The following MDFIC2 variants were observed in gnomAD, a reference collection of about 807,000 sequenced individuals.
The protein encoded by MDFIC2 is MyoD family inhibitor domain containing 2.
At chr3:70,241,465 A>G (rs35908063) in intron 2 of MDFIC2, among the ~76,000 whole-genome samples, 1 of 152,000 alleles carries the variant, frequency 6.6e-6, no homozygotes, top group African/African-American at 2.4e-5. Context: ...GAAAAGAATT[A>G]TTAGGGCTAA....
chr3:70,310,513 G>A (rs1480165646), intron 2 of MDFIC2, among the ~76,000 whole-genome samples: 2 of 151,746 alleles, frequency 1.3e-5, no homozygotes, highest in African/African-American at 4.8e-5. Context: ...CTACAGGGGT[G>A]TGCCACCACA....
chr3:70,279,404 C>A (rs1047238854), intron 2 of MDFIC2, among the ~76,000 whole-genome samples: 1 of 152,058 alleles, frequency 6.6e-6, no homozygotes, highest in Admixed American at 6.6e-5. Context: ...ATATCACACT[C>A]GTCAGAAAGA....
At chr3:70,292,362 C>T (rs1046465972) in intron 2 of MDFIC2, among the ~76,000 whole-genome samples, 10 of 152,024 alleles carry the variant, frequency 6.6e-5, no homozygotes, top group African/African-American at 2.4e-4. Context: ...TCTTGTTGGC[C>T]TTGATATCTT....
intron 2 of MDFIC2, among the ~76,000 whole-genome samples, chr3:70,298,601 C>T (rs934121336): frequency 2.6e-5 from 4 of 152,098 alleles, no homozygotes; most frequent in East Asian, 1.9e-4. Flanking sequence ...TCCTCTTTCT[C>T]GTTAAAATCA....
In MDFIC2 at chr3:70,286,213, T is replaced by C. The variant is rs536179976; in HGVS notation, c.88+25673A>G. On this transcript the variant is annotated intron_variant, in intron 2 of 3. Coordinates refer to ENST00000567252, the MANE Select transcript of MDFIC2 (RefSeq NM_001364677.1). ...TTAGGTCTAAAGTTTAAGTCTTACA[T>C]CCATCTTGAATTAATTTTTGTATAA... 1.4e-3 allele frequency among the ~76,000 whole-genome samples: 210 copies of C among 152,350 alleles called. 1 individual carries two copies. Among genetic ancestry groups the C allele is most frequent in the South Asian group, 2.5e-3 (12 of 4,826 alleles).
At chr3:70,279,317 T>C (rs114091341) in intron 2 of MDFIC2, among the ~76,000 whole-genome samples, 415 of 152,194 alleles carry the variant, frequency 2.7e-3, no homozygotes, top group Middle Eastern at 0.014. Flanking sequence ...TGAACACATA[T>C]GGAGTGGGTG....
At chr3:70,292,480 C>T (rs976886185) in intron 2 of MDFIC2, among the ~76,000 whole-genome samples, 3 of 151,976 alleles carry the variant, frequency 2.0e-5, no homozygotes, top group South Asian at 2.1e-4. Flanking sequence ...AGGAAACAAT[C>T]GTAAAGATGA....
At chr3:70,248,557 A>T (rs1316319245) in intron 2 of MDFIC2, among the ~76,000 whole-genome samples, 1 of 152,112 alleles carries the variant, frequency 6.6e-6, no homozygotes, top group Non-Finnish European at 1.5e-5. Context: ...GAAAATACAT[A>T]GTCAAATTTA....
intron 2 of MDFIC2, among the ~76,000 whole-genome samples, chr3:70,230,866 A>G (rs1701552817): frequency 6.6e-6 from 1 of 152,142 alleles, no homozygotes; most frequent in Admixed American, 6.5e-5. Context: ...CTTCCTCCCA[A>G]GTCAGAAAAG....
At chr3:70,239,124 T>A (rs1701640136) in intron 2 of MDFIC2, among the ~76,000 whole-genome samples, 1 of 152,194 alleles carries the variant, frequency 6.6e-6, no homozygotes, top group Non-Finnish European at 1.5e-5. Flanking sequence ...GCTGAACTGG[T>A]CTTTCATCAG....
At chr3:70,213,161 A>G (rs1701366958) in intron 2 of MDFIC2, among the ~76,000 whole-genome samples, 1 of 151,600 alleles carries the variant, frequency 6.6e-6, no homozygotes, top group Non-Finnish European at 1.5e-5. Context: ...CTTTATAGAG[A>G]CAGGTTCTTG....
rs545451043 is a variant in MDFIC2, at chr3:70,306,319, G to T, written c.88+5567C>A. Among the ~76,000 whole-genome samples the T allele has an allele frequency of 2.2e-4, 34 of 152,176 alleles. No homozygotes were observed. The East Asian group carries it at 3.7e-3, about 16-fold the overall frequency. The stretch of plus-strand genomic sequence containing the variant: ...GTAAAGACGGGGTTTCACCATGTTG[G>T]CCAGGCTGGTCTCAAACTCCTGACC... On this transcript the variant is annotated intron_variant, in intron 2 of 3. Transcript: ENST00000567252.
At chr3:70,279,372 A>G (rs1023410689) in intron 2 of MDFIC2, among the ~76,000 whole-genome samples, 1 of 152,126 alleles carries the variant, frequency 6.6e-6, no homozygotes, top group Non-Finnish European at 1.5e-5. Context: ...TCCAATGGTC[A>G]TTTGATTAAC....
At chr3:70,292,001 C>A (rs985934997) in intron 2 of MDFIC2, 1 of 152,286 alleles carries the variant, frequency 6.6e-6, no homozygotes, top group Middle Eastern at 3.4e-3. Context: ...ATATACAAGA[C>A]ACGATGGTTT....
intron 2 of MDFIC2, among the ~76,000 whole-genome samples, chr3:70,220,480 C>T (rs1701452683): frequency 6.6e-6 from 1 of 151,858 alleles, no homozygotes; most frequent in African/African-American, 2.4e-5. Context: ...TGCTGACTGA[C>T]AGCAAAAATT....
intron 2 of MDFIC2, among the ~76,000 whole-genome samples, chr3:70,225,663 CTTCTA>C: frequency 6.6e-6 from 1 of 152,266 alleles, no homozygotes; most frequent in South Asian, 2.1e-4. Flanking sequence ...CACTGTTTCC[CTTCTA>C]GATCAAAAGC....
chr3:70,227,368 G>C (rs914963110), intron 2 of MDFIC2, among the ~76,000 whole-genome samples: 1 of 152,102 alleles, frequency 6.6e-6, no homozygotes, highest in African/African-American at 2.4e-5. Flanking sequence ...TCTTACTCAA[G>C]AGATGAGAAT....
chr3:70,222,807 C>T (rs1701472749), intron 2 of MDFIC2, among the ~76,000 whole-genome samples: 1 of 152,104 alleles, frequency 6.6e-6, no homozygotes, highest in Admixed American at 6.6e-5. Flanking sequence ...TATTTCCTCC[C>T]TAAGATAGCT....
rs374203455 is a variant in MDFIC2, at chr3:70,279,902, A to G, written c.88+31984T>C. Among the ~76,000 whole-genome samples the G allele has an allele frequency of 3.6e-3, 544 of 152,326 alleles. 3 individuals carry two copies. Among genetic ancestry groups the G allele is most frequent in the African/African-American group, 0.013 (526 of 41,570 alleles). The stretch of plus-strand genomic sequence containing the variant: ...GGTTCTTTGTCAAATGGTGGCCAGA[A>G]GAGAAAGACATCATATTGCTTGAGA... On this transcript the variant is annotated intron_variant, in intron 2 of 3. Coordinates refer to ENST00000567252, the MANE Select transcript of MDFIC2 (RefSeq NM_001364677.1).
Sources: gnomAD v4.1 joint callset for allele counts (sites outside exome capture counted in the v4.1 genomes callset) on GRCh38, gnomAD v4.1.1 for gene constraint, MANE v1.5 for transcripts, NCBI Gene and HGNC (gene_info 2026-07-23, HGNC 2026-07-21) for gene names.